Variants in LARGE1 observed in about 807,000 individuals in gnomAD.
LARGE1 encodes LARGE xylosyl- and glucuronyltransferase 1, also known as xylosyl- and glucuronyltransferase LARGE1.
LARGE1 carries 43 observed loss-of-function variants against 87.6 expected under a neutral mutation model. The observed-to-expected ratio is 0.49, with a 90% CI of 0.38 to 0.63. LARGE1 has a LOEUF of 0.63. Among genes scored for constraint, LARGE1 ranks in the 30% least tolerant of loss-of-function variants. The probability of loss-of-function intolerance (pLI) is 0.00; values close to 1 mark genes in which losing one functional copy is unlikely to be tolerated. For missense variants in LARGE1, 802 were observed against 1,000.2 expected (o/e 0.80, Z 2.67); for synonymous variants, 434 against 394.6 (o/e 1.10, Z -1.18).
intron 1 of LARGE1, among the ~76,000 whole-genome samples, chr22:33,823,822 TC>T (rs1756089745): frequency 6.6e-6 from 1 of 152,202 alleles, no homozygotes; most frequent in South Asian, 2.1e-4. Context: ...CATCTGCAGT[TC>T]ATTCCTCCAT....
chr22:33,203,081 C>CTG (rs1300488157), intron 11 of LARGE1, among the ~76,000 whole-genome samples: 8 of 103,452 alleles, frequency 7.7e-5, no homozygotes, highest in African/African-American at 3.3e-4. Context: ...CTCTCTCTCT[C>CTG]TCTCTCTCTC....
intron 11 of LARGE1, among the ~76,000 whole-genome samples, chr22:33,314,303 G>T (rs912359008): frequency 3.3e-5 from 5 of 152,076 alleles, no homozygotes; most frequent in African/African-American, 1.2e-4. Flanking sequence ...CCAAGAGACC[G>T]CCGGCCCCTG....
intron 6 of LARGE1, among the ~76,000 whole-genome samples, chr22:33,552,208 A>G (rs1005966183): frequency 1.3e-5 from 2 of 152,208 alleles, no homozygotes; most frequent in Non-Finnish European, 2.9e-5. Context: ...AAGAAGAGAC[A>G]TCATGGCAGA....
At chr22:33,768,677 C>G (rs185358886) in intron 1 of LARGE1, among the ~76,000 whole-genome samples, 1 of 152,310 alleles carries the variant, frequency 6.6e-6, no homozygotes, top group East Asian at 1.9e-4. Flanking sequence ...CTTGATCTCT[C>G]TTCATTCGAC....
At chr22:33,912,510 T>C (rs943737952) in intron 1 of LARGE1, among the ~76,000 whole-genome samples, 1 of 152,192 alleles carries the variant, frequency 6.6e-6, no homozygotes, top group South Asian at 2.1e-4. Context: ...AAAAGGACTA[T>C]GTTAAAAGCA....
At chr22:33,399,751 T>C (rs2065875717) in intron 7 of LARGE1, among the ~76,000 whole-genome samples, 1 of 152,246 alleles carries the variant, frequency 6.6e-6, no homozygotes, top group East Asian at 1.9e-4. Flanking sequence ...GGTTTCATCA[T>C]GTTAGCCAGG....
At chr22:33,172,939 G>T (rs1462661091) in intron 11 of LARGE1, among the ~76,000 whole-genome samples, 1 of 152,050 alleles carries the variant, frequency 6.6e-6, no homozygotes, top group Non-Finnish European at 1.5e-5. Context: ...CACACATCAG[G>T]GTATTATCCA....
intron 7 of LARGE1, among the ~76,000 whole-genome samples, chr22:33,394,490 A>T (rs369456693): frequency 1.1e-4 from 16 of 152,168 alleles, no homozygotes; most frequent in African/African-American, 3.9e-4. Flanking sequence ...GACCCACTGC[A>T]CCCAGCCAGA....
intron 11 of LARGE1, among the ~76,000 whole-genome samples, chr22:33,218,987 C>A (rs1183251860): frequency 6.6e-6 from 1 of 152,172 alleles, no homozygotes; most frequent in Admixed American, 6.5e-5. Flanking sequence ...CCTTTCCCCA[C>A]TTCCGCCTTT....
the LARGE1 span, among the ~76,000 whole-genome samples, chr22:33,095,045 ATTGCATTGCACT>A: frequency 1.3e-5 from 2 of 152,154 alleles, no homozygotes; most frequent in Non-Finnish European, 1.5e-5. Flanking sequence ...AGCACTTTGC[ATTGCATTGCACT>A]TTGCATTGTA....
At chr22:33,125,823 C>A in the LARGE1 span, among the ~76,000 whole-genome samples, 2,278 of 152,224 alleles carry the variant, frequency 0.015, 32 homozygotes, top group Admixed American at 0.052. Flanking sequence ...TCTTGACTTG[C>A]TGTAACTTCC....
intron 6 of LARGE1, among the ~76,000 whole-genome samples, chr22:33,433,395 G>A (rs1429509319): frequency 1.3e-5 from 2 of 152,036 alleles, no homozygotes; most frequent in African/African-American, 4.8e-5. Context: ...AGGAGATGGA[G>A]ACCATCCTGG....
intron 11 of LARGE1, among the ~76,000 whole-genome samples, chr22:33,176,268 C>A (rs538363063): frequency 1.3e-5 from 2 of 152,192 alleles, no homozygotes; most frequent in East Asian, 3.9e-4. Context: ...ACCAAAAGAC[C>A]AAAAGCAATG....
At chr22:33,701,007 G>T (rs2082390814) in intron 2 of LARGE1, among the ~76,000 whole-genome samples, 1 of 152,182 alleles carries the variant, frequency 6.6e-6, no homozygotes, top group South Asian at 2.1e-4. Flanking sequence ...GAGGAACATG[G>T]ATTTCCTGGG....
chr22:33,688,949 C>T (rs1305186969), intron 2 of LARGE1, among the ~76,000 whole-genome samples: 1 of 152,178 alleles, frequency 6.6e-6, no homozygotes, highest in East Asian at 1.9e-4. Flanking sequence ...TCCCCCAGCA[C>T]TGGCCCCAGC....
chr22:33,687,570 G>A (rs758746567), intron 2 of LARGE1, among the ~76,000 whole-genome samples: 1 of 152,162 alleles, frequency 6.6e-6, no homozygotes, highest in East Asian at 1.9e-4. Flanking sequence ...TTGAATGAGT[G>A]AAGGTTCCAG....
intron 6 of LARGE1, among the ~76,000 whole-genome samples, chr22:33,460,040 T>A (rs2148003042): frequency 6.6e-6 from 1 of 152,340 alleles, no homozygotes; most frequent in Non-Finnish European, 1.5e-5. Flanking sequence ...AATGGCTGCC[T>A]CTGGACATCC....
chr22:33,382,022 T>C lies in LARGE1; in HGVS notation c.1028A>G (p.Lys343Arg). ...CTGGTACACAAGGAAGGGGTTTTGT[T>C]TGATGACGGCATTGAAAATATCCTG... ...ADQDIFNAVI[K>R]QNPFLVYQLP... is the part of the protein sequence containing the mutation. Residue 343 changes from lysine (K) to arginine (R), a missense_variant, in exon 9 of 15, where the codon AAA (lysine) becomes AGA (arginine). By Grantham distance (26) the Lys-to-Arg change is conservative. Coordinates refer to ENST00000397394, the MANE Select transcript of LARGE1 (RefSeq NM_133642.5). 6.2e-7 allele frequency: 1 copy of C among 1,614,112 alleles called. No individual in the cohort carries two copies. Among genetic ancestry groups the C allele is most frequent in the Non-Finnish European group, 8.5e-7 (1 of 1,180,004 alleles).
intron 2 of LARGE1, among the ~76,000 whole-genome samples, chr22:33,674,856 G>A (rs543155624): frequency 6.6e-6 from 1 of 152,218 alleles, no homozygotes; most frequent in South Asian, 2.1e-4. Context: ...CTGTATGCTT[G>A]CATGCTTGCA....
Sources: gnomAD v4.1 joint callset for allele counts (sites outside exome capture counted in the v4.1 genomes callset) on GRCh38, gnomAD v4.1.1 for gene constraint, MANE v1.5 for transcripts, NCBI Gene and HGNC (gene_info 2026-07-23, HGNC 2026-07-21) for gene names.